Variants in SLC4A10 observed in about 807,000 individuals in gnomAD.
SLC4A10 encodes the protein sodium-driven chloride bicarbonate exchanger.
Under a neutral mutation model 137.7 loss-of-function variants are expected in SLC4A10, and 42 were observed. That is an observed-to-expected ratio of 0.30 (90% CI 0.24 to 0.39). The LOEUF is 0.39. Among genes scored for constraint, SLC4A10 ranks in the 10% least tolerant of loss-of-function variants. SLC4A10 has a pLI of 1.00. For missense variants in SLC4A10, 925 were observed against 1,355.0 expected (o/e 0.68, Z 4.98); for synonymous variants, 474 against 464.1 (o/e 1.02, Z -0.27).
chr2:161,977,493 A>G (rs1699569742), intron 25 of SLC4A10, among the ~76,000 whole-genome samples: 3 of 152,034 alleles, frequency 2.0e-5, no homozygotes, highest in African/African-American at 7.2e-5. Context: ...TCATCAAAGG[A>G]TTTCCAAGTG....
intron 19 of SLC4A10, among the ~76,000 whole-genome samples, chr2:161,953,095 C>G (rs557576544): frequency 4.9e-4 from 75 of 152,138 alleles, no homozygotes; most frequent in African/African-American, 1.6e-3. Context: ...GAGCATTCCC[C>G]GAAATTGTTT....
intron 26 of SLC4A10, among the ~76,000 whole-genome samples, chr2:161,978,714 G>GTC (rs919790027): frequency 6.6e-6 from 1 of 152,084 alleles, no homozygotes; most frequent in Non-Finnish European, 1.5e-5. Context: ...CTCTCTGTGT[G>GTC]TCTCTCTCTC....
chr2:161,979,588 G>GA (rs1416317821), intron 26 of SLC4A10, among the ~76,000 whole-genome samples: 3 of 152,196 alleles, frequency 2.0e-5, no homozygotes, highest in Non-Finnish European at 2.9e-5. Context: ...AACTCTGGCA[G>GA]AAAGTGTATG....
chr2:161,918,619 T>C (rs1376867408), intron 15 of SLC4A10, among the ~76,000 whole-genome samples: 1 of 152,144 alleles, frequency 6.6e-6, no homozygotes, highest in Non-Finnish European at 1.5e-5. Flanking sequence ...CACTTATGGG[T>C]ATGTGACAAG....
At chr2:161,728,640 T>C (rs542875239) in intron 1 of SLC4A10, among the ~76,000 whole-genome samples, 1 of 151,970 alleles carries the variant, frequency 6.6e-6, no homozygotes, top group Admixed American at 6.5e-5. Context: ...AATGAAGTAA[T>C]AATGCCAATT....
intron 2 of SLC4A10, among the ~76,000 whole-genome samples, chr2:161,771,432 G>T (rs2051599434): frequency 6.6e-6 from 1 of 151,812 alleles, no homozygotes; most frequent in African/African-American, 2.4e-5. Flanking sequence ...ATCTAACTCA[G>T]CCTATGTTGT....
At chr2:161,852,757 A>C (rs1441570873) in intron 4 of SLC4A10, among the ~76,000 whole-genome samples, 1 of 152,182 alleles carries the variant, frequency 6.6e-6, no homozygotes, top group East Asian at 1.9e-4. Flanking sequence ...CTCTGGAGAA[A>C]AACAAAATTT....
chr2:161,671,370 A>G (rs929556652), intron 1 of SLC4A10, among the ~76,000 whole-genome samples: 5 of 152,182 alleles, frequency 3.3e-5, no homozygotes, highest in African/African-American at 1.2e-4. Context: ...ATAAATTTCT[A>G]TTGTTCATAA....
At chr2:161,937,423 A>G (rs1023629799) in intron 15 of SLC4A10, among the ~76,000 whole-genome samples, 2 of 152,080 alleles carry the variant, frequency 1.3e-5, no homozygotes, top group African/African-American at 4.8e-5. Context: ...CAACCAAATT[A>G]ACACTGTTTA....
chr2:161,972,585 A>T (rs867310625), intron 23 of SLC4A10, among the ~76,000 whole-genome samples: 3 of 152,088 alleles, frequency 2.0e-5, no homozygotes, highest in Non-Finnish European at 2.9e-5. Flanking sequence ...CTAAAAGAAA[A>T]TTTTTTCCTT....
chr2:161,633,593 G>A lies in SLC4A10; in HGVS notation c.48+9027G>A, dbSNP rs186298370. 1.7e-3 allele frequency among the ~76,000 whole-genome samples: 262 copies of A among 151,598 alleles called. 1 individual carries two copies. Among genetic ancestry groups the A allele is most frequent in the Middle Eastern group, 6.8e-3 (2 of 294 alleles). The stretch of plus-strand genomic sequence containing the variant: ...TTGTGAGAAGCAATGAAAAAAATAC[G>A]TGTTATATCATTTAGACTAATGACT... On this transcript the variant is annotated intron_variant, in intron 1 of 26. Coordinates refer to ENST00000446997, the MANE Select transcript of SLC4A10 (RefSeq NM_001178015.2).
At chr2:161,872,903 G>A (rs1398135997) in intron 7 of SLC4A10, among the ~76,000 whole-genome samples, 3 of 151,998 alleles carry the variant, frequency 2.0e-5, no homozygotes, top group Admixed American at 2.0e-4. Context: ...TAGTAGAGAC[G>A]GGGTTTCACC....
chr2:161,769,712 C>T (rs899934099), intron 1 of SLC4A10, among the ~76,000 whole-genome samples: 3 of 151,870 alleles, frequency 2.0e-5, no homozygotes, highest in Non-Finnish European at 4.4e-5. Flanking sequence ...CTTCTCCTTA[C>T]TGTAATTCTT....
intron 13 of SLC4A10, among the ~76,000 whole-genome samples, 158 bp from the exon 14 acceptor site, chr2:161,904,618 C>G (rs1683911543): frequency 6.6e-6 from 1 of 152,172 alleles, no homozygotes; most frequent in African/African-American, 2.4e-5. Flanking sequence ...TGCTGTCAGC[C>G]CCTTTAGTCA....
chr2:161,846,058 T>C lies in SLC4A10; in HGVS notation c.416+6131T>C, dbSNP rs543255921. 7.2e-5 allele frequency among the ~76,000 whole-genome samples: 11 copies of C among 152,246 alleles called. No individual in the cohort carries two copies. In the East Asian group the frequency reaches 2.1e-3, roughly 29 times the overall value. On this transcript the variant is annotated intron_variant, in intron 4 of 26. Transcript: ENST00000446997. ...GAAAAGGCAAGCTACAGACAGAAAG[T>C]ATTTGTAAACCAGATATTCAACAAA...
intron 15 of SLC4A10, among the ~76,000 whole-genome samples, chr2:161,925,442 T>A (rs2105546020): frequency 6.6e-6 from 1 of 152,316 alleles, no homozygotes; most frequent in South Asian, 2.1e-4. Context: ...TCATCTCTCT[T>A]TTCTTCTTTA....
chr2:161,863,002 G>T lies in SLC4A10; in HGVS notation c.706G>T (p.Val236Phe), dbSNP rs1201172230. ...AAAACTCACCAACAGGATTCCCATT[G>T]TTCGTTCCTTTGCTGATATTGGCAA... is the stretch of plus-strand genomic sequence containing the variant. ...QKKLTNRIPI[V>F]RSFADIGKKQ... Residue 236 changes from valine to phenylalanine, a missense_variant, in exon 6 of 27, where the codon GTT becomes TTT. Physicochemically the swap from Val to Phe is conservative, Grantham distance 50 (BLOSUM62 -1). This residue lies in a region of SLC4A10 where 277 missense variants were observed against 306.1 expected (regional missense o/e 0.90). Transcript: ENST00000446997. 6.2e-7 allele frequency: 1 copy of T among 1,613,926 alleles called. No homozygotes were observed. The highest frequency in any genetic ancestry group is 8.5e-7 in the Non-Finnish European group (1 of 1,179,880).
intron 15 of SLC4A10, among the ~76,000 whole-genome samples, chr2:161,936,515 G>A (rs1237046855): frequency 6.6e-6 from 1 of 151,930 alleles, no homozygotes; most frequent in Non-Finnish European, 1.5e-5. Flanking sequence ...AACCTTAGTA[G>A]GTTATATGTG....
chr2:161,886,668 A>AT (rs973744988), intron 10 of SLC4A10, among the ~76,000 whole-genome samples: 5 of 151,854 alleles, frequency 3.3e-5, no homozygotes, highest in Admixed American at 2.0e-4. Flanking sequence ...AGTCTCTGAG[A>AT]TTTTTTTTAA....
Sources: gnomAD v4.1 joint callset for allele counts (sites outside exome capture counted in the v4.1 genomes callset) on GRCh38, gnomAD v4.1.1 for gene constraint, gnomAD v4.1.1 regional missense constraint, MANE v1.5 for transcripts, NCBI Gene and HGNC (gene_info 2026-07-23, HGNC 2026-07-21) for gene names.